TMEM38B: variants seen among roughly 807,000 people sequenced by gnomAD.
The protein encoded by TMEM38B is trimeric intracellular cation channel type B.
In TMEM38B, 24 loss-of-function variants were observed where a neutral mutation model predicts 28.7. The ratio of observed to expected loss-of-function variants is 0.84; its 90% CI spans 0.61 to 1.18. The LOEUF (loss-of-function observed/expected upper bound fraction) is 1.18, where lower values mean the gene tolerates loss of function less well. Among genes scored for constraint, TMEM38B ranks in the 50% most tolerant of loss-of-function variants. The probability of loss-of-function intolerance (pLI) is 0.00; values close to 1 mark genes in which losing one functional copy is unlikely to be tolerated. For synonymous variants in TMEM38B, 131 were observed against 127.7 expected, an observed-to-expected ratio of 1.03 and a Z score of -0.17; for missense variants, 380 against 350.9, an observed-to-expected ratio of 1.08 and a Z score of -0.66.
chr9:105,770,549 C>T (rs1178488900), intron 5 of TMEM38B, among the ~76,000 whole-genome samples: 5 of 151,666 alleles, frequency 3.3e-5, no homozygotes, highest in Middle Eastern at 3.4e-3. Flanking sequence ...TTTTTTTTTA[C>T]ATTTGTAAAA....
At chr9:105,751,438 CTG>C (rs1837646887) in intron 5 of TMEM38B, among the ~76,000 whole-genome samples, 1 of 152,198 alleles carries the variant, frequency 6.6e-6, no homozygotes, top group Non-Finnish European at 1.5e-5. Flanking sequence ...ATACACACAG[CTG>C]TGTGGAGTTT....
chr9:105,774,066 A>G lies in TMEM38B; in HGVS notation c.862A>G (p.Lys288Glu), dbSNP rs1286860497. The G allele has an allele frequency of 6.2e-7, 1 of 1,613,372 alleles. No individual in the cohort carries two copies. Among genetic ancestry groups the G allele is most frequent in the South Asian group, 1.1e-5 (1 of 91,052 alleles). Reference sequence around the variant, plus strand: ...AGATAATGTTAAAAAGAAACATACTAAGAAGAATGAATAAATTTACGTGAT... The same window carrying G: ...AGATAATGTTAAAAAGAAACATACTGAGAAGAATGAATAAATTTACGTGAT... ...ASDNVKKKHT[K>E]KNE The change falls in exon 6 of 6, where the codon AAG becomes GAG. Residue 288 changes from lysine (K) to glutamate (E), a missense_variant. Transcript: ENST00000374692.
At chr9:105,718,188 TTTTTCAAAG>T (rs1207744571) in intron 2 of TMEM38B, among the ~76,000 whole-genome samples, 1 of 152,120 alleles carries the variant, frequency 6.6e-6, no homozygotes, top group Non-Finnish European at 1.5e-5. Context: ...TACTATTTTC[TTTTTCAAAG>T]TTTTCATATT....
intron 5 of TMEM38B, among the ~76,000 whole-genome samples, chr9:105,772,355 G>T (rs1490987490): frequency 6.6e-6 from 1 of 152,082 alleles, no homozygotes; most frequent in Non-Finnish European, 1.5e-5. Context: ...TACAGCTTTG[G>T]CCTTCTCACA....
intron 5 of TMEM38B, chr9:105,758,427 C>G (rs1837912105): frequency 1.4e-5 from 19 of 1,387,158 alleles, no homozygotes; most frequent in Non-Finnish European, 1.5e-5. Flanking sequence ...AAAACACAGA[C>G]AACACTTTAA....
intron 2 of TMEM38B, 81 bp downstream of exon 2, chr9:105,705,834 T>C: frequency 6.9e-7 from 1 of 1,454,506 alleles, no homozygotes; most frequent in South Asian, 1.4e-5. Flanking sequence ...TTTTTTTCTT[T>C]GAACAATATT....
At chr9:105,708,305 A>G (rs1031938375) in intron 2 of TMEM38B, among the ~76,000 whole-genome samples, 2 of 152,228 alleles carry the variant, frequency 1.3e-5, no homozygotes, top group African/African-American at 2.4e-5. Context: ...TTTACACTGT[A>G]TTAGGTATTA....
chr9:105,733,778 A>T (rs764565864), intron 4 of TMEM38B, among the ~76,000 whole-genome samples: 6 of 151,636 alleles, frequency 4.0e-5, no homozygotes, highest in African/African-American at 1.5e-4. Context: ...GTAGTTGCTT[A>T]TTATTCTTTT....
intron 3 of TMEM38B, 143 bp from the exon 4 acceptor site, chr9:105,722,391 G>GAAAAAAGAA: frequency 1.4e-6 from 1 of 694,558 alleles, no homozygotes; most frequent in Admixed American, 2.5e-5. Context: ...AAATGTACAA[G>GAAAAAAGAA]GCAACTTTTT....
intron 3 of TMEM38B, among the ~76,000 whole-genome samples, chr9:105,722,156 A>G (rs573670298): frequency 3.9e-5 from 6 of 152,306 alleles, no homozygotes; most frequent in Middle Eastern, 3.4e-3. Flanking sequence ...ACTTTACATC[A>G]CTTGCCTTTT....
chr9:105,772,752 T>C lies in TMEM38B; in HGVS notation c.661-1113T>C, dbSNP rs529702857. Among the ~76,000 whole-genome samples, 4 of 152,264 alleles carry C rather than the reference T, an allele frequency of 2.6e-5. No homozygotes were observed. The East Asian group carries it at 5.8e-4, about 22-fold the overall frequency. ...AGTGACGTTTAGTACTCTCACAATG[T>C]TGTGTGTGGATGTGTTTTTAATTTA... is the stretch of plus-strand genomic sequence containing the variant. On this transcript the variant is annotated intron_variant, in intron 5 of 5. Coordinates refer to ENST00000374692, the MANE Select transcript of TMEM38B (RefSeq NM_018112.3).
intron 5 of TMEM38B, among the ~76,000 whole-genome samples, chr9:105,763,044 C>T (rs2133642520): frequency 6.7e-6 from 1 of 148,372 alleles, no homozygotes; most frequent in Non-Finnish European, 1.5e-5. Context: ...TTTTTGGCTG[C>T]ATAAATGTCT....
At chr9:105,699,786 C>G (rs1319901319) in intron 1 of TMEM38B, among the ~76,000 whole-genome samples, 3 of 152,148 alleles carry the variant, frequency 2.0e-5, no homozygotes, top group Middle Eastern at 3.4e-3. Flanking sequence ...CCTCCTGAAC[C>G]CTTGCGTGTG....
chr9:105,746,081 T>C (rs1329176357), intron 4 of TMEM38B, among the ~76,000 whole-genome samples: 1 of 152,216 alleles, frequency 6.6e-6, no homozygotes, highest in Non-Finnish European at 1.5e-5. Context: ...TTTGTTTACA[T>C]ATGAACTTTA....
intron 1 of TMEM38B, among the ~76,000 whole-genome samples, chr9:105,697,844 G>T (rs919847285): frequency 6.6e-6 from 1 of 151,990 alleles, no homozygotes; most frequent in African/African-American, 2.4e-5. Flanking sequence ...CAGGCCTAAG[G>T]TTATAAAAAT....
chr9:105,759,951 G>T (rs1837975473), intron 5 of TMEM38B: 2 of 1,576,950 alleles, frequency 1.3e-6, no homozygotes, highest in African/African-American at 1.4e-5. Context: ...GCACAAGTGT[G>T]CAAACAGCTA....
At chr9:105,750,183 TA>T (rs1294416182) in intron 5 of TMEM38B, among the ~76,000 whole-genome samples, 1 of 152,226 alleles carries the variant, frequency 6.6e-6, no homozygotes, top group Non-Finnish European at 1.5e-5. Context: ...ATTTTCAATT[TA>T]TATTTTGTTT....
chr9:105,717,132 C>T (rs1836130189), intron 2 of TMEM38B, among the ~76,000 whole-genome samples: 1 of 152,126 alleles, frequency 6.6e-6, no homozygotes, highest in African/African-American at 2.4e-5. Flanking sequence ...TGTATGCAGC[C>T]ACTACCATCT....
intron 4 of TMEM38B, among the ~76,000 whole-genome samples, chr9:105,745,190 T>G (rs573538949): frequency 0.015 from 2,273 of 152,324 alleles, 63 homozygotes; most frequent in African/African-American, 0.052. Flanking sequence ...TGAACTAGTT[T>G]ACAGTCCCAC....
Sources: allele counts gnomAD v4.1 joint callset (sites outside exome capture counted in the v4.1 genomes callset), GRCh38; gene constraint gnomAD v4.1.1; transcripts MANE v1.5; gene names NCBI Gene and HGNC (gene_info 2026-07-23, HGNC 2026-07-21).